The following PRKN variants were observed in gnomAD, a reference collection of about 807,000 sequenced individuals.
The protein encoded by PRKN is parkin RBR E3 ubiquitin protein ligase.
PRKN carries 56 observed loss-of-function variants against 59.5 expected under a neutral mutation model. The ratio of observed to expected loss-of-function variants is 0.94; its 90% confidence interval spans 0.76 to 1.18. The LOEUF (loss-of-function observed/expected upper bound fraction) is 1.18. Among genes scored for constraint, PRKN ranks in the 50% most tolerant of loss-of-function variants. The pLI is 0.00. For synonymous variants in PRKN, 250 were observed against 222.1 expected (o/e 1.13, Z -1.12); for missense variants, 657 against 596.4 (o/e 1.10, Z -1.06).
In PRKN at chr6:162,192,442, A is replaced by ATTTTT. The variant is rs10534285; in HGVS notation, c.534+8684_534+8688dup. Among the ~76,000 whole-genome samples, 166 of 74,726 alleles carry ATTTTT rather than the reference A, an allele frequency of 2.2e-3. 19 individuals carry two copies. Among genetic ancestry groups the ATTTTT allele is most frequent in the African/African-American group, 9.4e-3 (146 of 15,612 alleles). 49.0% of individuals were successfully genotyped at this position (74,726 alleles called of 152,430 possible). A position where few individuals can be genotyped will look rare whatever the true frequency, so the allele number is the denominator to read the frequency against. On this transcript the variant is annotated intron_variant, in intron 4 of 11. Coordinates refer to ENST00000366898, the MANE Select transcript of PRKN (RefSeq NM_004562.3). ...GGTAAGCATTCAATAAATTATAGGG[A>ATTTTT]TTTTTTTTTTTTTTTTTTTTTTTTT...
At chr6:162,680,622 G>A (rs1246917426) in intron 1 of PRKN, among the ~76,000 whole-genome samples, 1 of 152,006 alleles carries the variant, frequency 6.6e-6, no homozygotes, top group African/African-American at 2.4e-5. Flanking sequence ...CTCACTTAAT[G>A]CAAAAGATAA....
At chr6:162,610,625 C>T (rs1782107747) in intron 1 of PRKN, among the ~76,000 whole-genome samples, 1 of 151,836 alleles carries the variant, frequency 6.6e-6, no homozygotes, top group African/African-American at 2.4e-5. Context: ...GCATTTGATG[C>T]CCTCACAAAA....
intron 7 of PRKN, among the ~76,000 whole-genome samples, chr6:161,689,056 G>C (rs574981834): frequency 1.3e-5 from 2 of 152,244 alleles, no homozygotes; most frequent in South Asian, 4.2e-4. Context: ...CAGTCAAAGA[G>C]AAATTTAATA....
chr6:161,548,846 G>A lies in PRKN; in HGVS notation c.1083+8C>T, dbSNP rs1583215331. The A allele has an allele frequency of 1.2e-6, 2 of 1,613,764 alleles. No individual in the cohort carries two copies. Among genetic ancestry groups the A allele is most frequent in the Non-Finnish European group, 1.7e-6 (2 of 1,179,670 alleles). On this transcript the variant is annotated splice_region_variant and intron_variant, in intron 9 of 11. Coordinates refer to ENST00000366898, the MANE Select transcript of PRKN (RefSeq NM_004562.3). This position sits in a 1 kb window ranked among gnomAD's most constrained non-coding sequence, Gnocchi z 4.2. ...ACACACCGCTCCAGGGGTGTGGGCA[G>A]TACTCACCCCACAGCCCAGGCCATT...
chr6:161,557,593 A>C (rs1164328434), intron 8 of PRKN, among the ~76,000 whole-genome samples: 1 of 152,162 alleles, frequency 6.6e-6, no homozygotes, highest in Non-Finnish European at 1.5e-5. Context: ...ACACCATCCA[A>C]AAGGCCTCTC....
intron 7 of PRKN, among the ~76,000 whole-genome samples, chr6:161,636,082 G>A (rs1783504720): frequency 6.6e-6 from 1 of 152,146 alleles, no homozygotes; most frequent in Non-Finnish European, 1.5e-5. Flanking sequence ...GAGTCTCCCA[G>A]GCACTATGAG....
intron 7 of PRKN, among the ~76,000 whole-genome samples, chr6:161,739,366 C>T (rs905745150): frequency 3.3e-5 from 5 of 152,048 alleles, no homozygotes; most frequent in Non-Finnish European, 7.4e-5. Flanking sequence ...TGAAATTGCA[C>T]CACTGCACTC....
chr6:161,457,940 G>A lies in PRKN; in HGVS notation c.1084-71063C>T, dbSNP rs73785940. ...AGACCTGCAGAAAAGGTGATTTGGTGTTTCAAGGGTTGTGGGCTTTTATGG... is the reference window on the plus strand; with the variant it reads ...AGACCTGCAGAAAAGGTGATTTGGTATTTCAAGGGTTGTGGGCTTTTATGG... On this transcript the variant is annotated intron_variant, in intron 9 of 11. Coordinates refer to ENST00000366898, the MANE Select transcript of PRKN (RefSeq NM_004562.3). This position sits in a 1 kb window ranked among gnomAD's most constrained non-coding sequence, Gnocchi z 5.0. Among the ~76,000 whole-genome samples, 2,664 of 152,288 alleles carry A rather than the reference G, an allele frequency of 0.017. 84 individuals carry two copies. The highest frequency in any genetic ancestry group is 0.06 in the African/African-American group (2,514 of 41,556).
At chr6:161,642,500 A>G (rs1783780901) in intron 7 of PRKN, among the ~76,000 whole-genome samples, 1 of 152,210 alleles carries the variant, frequency 6.6e-6, no homozygotes, top group East Asian at 1.9e-4. Context: ...AGAACACAAT[A>G]TCCTCTTTCA....
intron 1 of PRKN, among the ~76,000 whole-genome samples, chr6:162,504,541 C>T (rs943124049): frequency 6.6e-6 from 1 of 152,118 alleles, no homozygotes; most frequent in African/African-American, 2.4e-5. Context: ...ACGACAGATA[C>T]AGCATTCTGT....
intron 5 of PRKN, among the ~76,000 whole-genome samples, chr6:162,045,398 A>G (rs562747481): frequency 6.6e-6 from 1 of 152,306 alleles, no homozygotes; most frequent in South Asian, 2.1e-4. Flanking sequence ...GGGAATGATG[A>G]CTGCCTACTT....
intron 1 of PRKN, among the ~76,000 whole-genome samples, chr6:162,617,375 G>C (rs1782468869): frequency 6.6e-6 from 1 of 152,100 alleles, no homozygotes; most frequent in Non-Finnish European, 1.5e-5. Flanking sequence ...GGGATTACAG[G>C]CACCTGCCAG....
chr6:161,372,316 A>C lies in PRKN; in HGVS notation c.1168-12111T>G, dbSNP rs1785472910. On this transcript the variant is annotated intron_variant, in intron 10 of 11. Transcript: ENST00000366898. The surrounding 1 kb of genome is among the most constrained non-coding windows in gnomAD (Gnocchi z 4.2). ...TTGGCTTAGGTCAGCAGTGACCAAA[A>C]TTATCCACATAGATGGGATTCTGAA... 6.6e-6 allele frequency among the ~76,000 whole-genome samples: 1 copy of C among 152,228 alleles called. No homozygotes were observed. Among genetic ancestry groups the C allele is most frequent in the Non-Finnish European group, 1.5e-5 (1 of 68,040 alleles).
chr6:161,629,294 C>T (rs1415438609), intron 7 of PRKN, among the ~76,000 whole-genome samples: 1 of 152,144 alleles, frequency 6.6e-6, no homozygotes, highest in Non-Finnish European at 1.5e-5. Context: ...TAGGGCAACG[C>T]TCTCAGCCAG....
chr6:161,422,148 T>C (rs4374805), intron 9 of PRKN, among the ~76,000 whole-genome samples: 117,767 of 151,550 alleles, frequency 0.78, 47,453 homozygotes, highest in East Asian at 0.91. Context: ...CAGTTGAAAG[T>C]AAAACAGTAA....
At position 161,487,823 on chromosome 6, in the gene PRKN, G is replaced by GTGAA. The variant is rs1777383480; in HGVS notation, c.1083+61027_1083+61030dup. Reference sequence around the variant, plus strand: ...ACTAGGAATTTCCCATTAATGTTCAGTGAATGAATGAATGGAATTTCCTGC... The same window carrying GTGAA: ...ACTAGGAATTTCCCATTAATGTTCAGTGAATGAATGAATGAATGGAATTTCCTGC... On this transcript the variant is annotated intron_variant, in intron 9 of 11. Coordinates refer to ENST00000366898, the MANE Select transcript of PRKN (RefSeq NM_004562.3). This position sits in a 1 kb window ranked among gnomAD's most constrained non-coding sequence, Gnocchi z 5.3. Among the ~76,000 whole-genome samples, 1 of 152,096 alleles carries GTGAA rather than the reference G, an allele frequency of 6.6e-6. No homozygotes were observed. Among genetic ancestry groups the GTGAA allele is most frequent in the African/African-American group, 2.4e-5 (1 of 41,436 alleles).
intron 4 of PRKN, among the ~76,000 whole-genome samples, chr6:162,085,150 C>T (rs1036818511): frequency 2.7e-5 from 4 of 148,714 alleles, no homozygotes; most frequent in South Asian, 2.2e-4. Flanking sequence ...ATGGGACATA[C>T]GAGATAGGCT....
intron 6 of PRKN, among the ~76,000 whole-genome samples, chr6:161,874,899 TAATA>T (rs1300805299): frequency 1.8e-5 from 2 of 109,132 alleles, no homozygotes; most frequent in South Asian, 2.9e-4. Flanking sequence ...ATATAATATA[TAATA>T]TATATTATAA....
intron 2 of PRKN, among the ~76,000 whole-genome samples, chr6:162,280,699 G>A (rs1203935693): frequency 1.4e-5 from 2 of 148,030 alleles, no homozygotes; most frequent in African/African-American, 5.0e-5. Context: ...GCTGAGGGAG[G>A]AGAACTGCTT....
Sources: gnomAD v4.1 joint callset for allele counts (sites outside exome capture counted in the v4.1 genomes callset) on GRCh38, gnomAD v4.1.1 for gene constraint, Gnocchi (gnomAD v3.1) non-coding constraint, MANE v1.5 for transcripts, NCBI Gene and HGNC (gene_info 2026-07-23, HGNC 2026-07-21) for gene names.